The following ACTR3 variants were observed in gnomAD, a reference collection of about 807,000 sequenced individuals.
ACTR3 encodes the protein actin-related protein 3.
In ACTR3, 12 loss-of-function variants were observed where a neutral mutation model predicts 56.8. The ratio of observed to expected loss-of-function variants is 0.21; its 90% CI spans 0.14 to 0.34. The LOEUF (loss-of-function observed/expected upper bound fraction) is 0.34. Ranked by LOEUF, ACTR3 falls within the 10% of genes least tolerant of loss-of-function variation. ACTR3 has a pLI of 1.00. For synonymous variants in ACTR3, 162 were observed against 167.4 expected (o/e 0.97, Z 0.25); for missense variants, 282 against 512.5 (o/e 0.55, Z 4.34).
chr2:113,951,439 A>T, intron 8 of ACTR3, 40 bp from the exon 9 acceptor site: 1 of 1,340,110 alleles, frequency 7.5e-7, no homozygotes, highest in Non-Finnish European at 1.1e-6. Flanking sequence ...ATTTGTCAGT[A>T]GTGATATGAT....
intron 8 of ACTR3, among the ~76,000 whole-genome samples, chr2:113,944,612 A>AT (rs1491464590): frequency 4.2e-5 from 6 of 141,346 alleles, no homozygotes; most frequent in Admixed American, 7.0e-5. Context: ...AAAAAAAAAA[A>AT]TTAGCTGGGC....
At chr2:113,950,924 TG>T (rs2104628322) in intron 8 of ACTR3, 1 of 152,806 alleles carries the variant, frequency 6.5e-6, no homozygotes, top group East Asian at 1.9e-4. Flanking sequence ...TCTTACATGA[TG>T]GCAGCAGGCA....
intron 6 of ACTR3, among the ~76,000 whole-genome samples, chr2:113,934,922 A>G (rs1679796096): frequency 1.3e-5 from 2 of 152,216 alleles, no homozygotes; most frequent in East Asian, 1.9e-4. Flanking sequence ...ATTCAAAATG[A>G]CTACTAGAAT....
intron 3 of ACTR3, 143 bp downstream of exon 3, chr2:113,917,151 C>A: frequency 1.5e-6 from 1 of 645,850 alleles, no homozygotes; most frequent in Non-Finnish European, 2.3e-6. Flanking sequence ...CCTATGGCAT[C>A]CTTCCCTGTT....
At chr2:113,925,198 T>G (rs1298536616) in intron 3 of ACTR3, among the ~76,000 whole-genome samples, 2 of 141,256 alleles carry the variant, frequency 1.4e-5, no homozygotes, top group South Asian at 2.3e-4. Context: ...TGCCACCTTT[T>G]TTTTTTTTTT....
chr2:113,895,523 G>C (rs189725697), intron 1 of ACTR3, among the ~76,000 whole-genome samples: 1 of 152,266 alleles, frequency 6.6e-6, no homozygotes, highest in South Asian at 2.1e-4. Context: ...GAATCTCAAG[G>C]GTTGGACTAT....
intron 6 of ACTR3, 117 bp from the exon 7 acceptor site, chr2:113,939,842 A>T (rs1312044884): frequency 2.1e-5 from 18 of 845,104 alleles, no homozygotes; most frequent in Non-Finnish European, 3.2e-5. Flanking sequence ...ATAAAGCAGT[A>T]CTTGAGACTA....
chr2:113,938,675 T>C (rs917626294), intron 6 of ACTR3, among the ~76,000 whole-genome samples: 16 of 152,102 alleles, frequency 1.1e-4, no homozygotes, highest in Non-Finnish European at 2.2e-4. Flanking sequence ...CTGTCTACTT[T>C]TTTCTAGAGG....
At chr2:113,921,461 CATTTTA>C (rs1679508597) in intron 3 of ACTR3, among the ~76,000 whole-genome samples, 1 of 152,018 alleles carries the variant, frequency 6.6e-6, no homozygotes. Context: ...CTCACAGAAG[CATTTTA>C]ATTTAATATA....
chr2:113,917,073 C>G (rs1679419608), intron 3 of ACTR3, 65 bp downstream of exon 3: 2 of 1,398,848 alleles, frequency 1.4e-6, no homozygotes, highest in African/African-American at 1.5e-5. Context: ...CTTGTGCCCT[C>G]TGGAATTCAC....
intron 1 of ACTR3, among the ~76,000 whole-genome samples, chr2:113,891,984 A>G (rs906870837): frequency 6.6e-6 from 1 of 152,188 alleles, no homozygotes; most frequent in African/African-American, 2.4e-5. Flanking sequence ...GTAGGATAGG[A>G]CTTTTCAAAT....
chr2:113,938,027 T>G (rs1352549151), intron 6 of ACTR3, among the ~76,000 whole-genome samples: 1 of 152,112 alleles, frequency 6.6e-6, no homozygotes, highest in Non-Finnish European at 1.5e-5. Flanking sequence ...TACATTTATT[T>G]TTTTATAATC....
At chr2:113,890,384 A>C in intron 1 of ACTR3, 61 bp downstream of exon 1, 13 of 779,502 alleles carry the variant, frequency 1.7e-5, no homozygotes, top group Non-Finnish European at 2.1e-5. Context: ...ATGGCGGGGG[A>C]GGGAGGAGGC....
chr2:113,954,213 G>C (rs1394200326), intron 10 of ACTR3: 1 of 152,060 alleles, frequency 6.6e-6, no homozygotes, highest in East Asian at 1.9e-4. Context: ...GTGTCTGCCA[G>C]GTTTTTTCAC....
At chr2:113,928,026 AT>A (rs35715683) in intron 4 of ACTR3, among the ~76,000 whole-genome samples, 7,640 of 150,372 alleles carry the variant, frequency 0.051, 580 homozygotes, top group African/African-American at 0.17. Context: ...TTTATTTAAC[AT>A]TTTTTTTTTA....
At chr2:113,898,299 A>G (rs1269732066) in intron 1 of ACTR3, among the ~76,000 whole-genome samples, 1 of 152,118 alleles carries the variant, frequency 6.6e-6, no homozygotes, top group Admixed American at 6.6e-5. Context: ...AATGACTCAC[A>G]CAGAATTATA....
rs762944971 is a variant in ACTR3, at chr2:113,942,275, A to G, written c.774A>G (p.Gly258=). The G allele has an allele frequency of 1.2e-4, 192 of 1,605,584 alleles. 6 individuals are homozygous for G. The South Asian group carries it at 2.1e-3, about 17-fold the overall frequency. The change falls in exon 8 of 12, where the codon GGA becomes GGG. Residue 258 remains glycine, a synonymous_variant. Transcript: ENST00000263238. The part of the protein sequence containing the change: ...DGSKWIKQYT[G]INAISKKEFS... ...CAAAATGGATTAAACAGTATACTGG[A>G]ATCAATGCTATCTCAAAGAAAGAGT...
chr2:113,928,449 C>A (rs866106535), intron 4 of ACTR3, among the ~76,000 whole-genome samples: 1 of 152,148 alleles, frequency 6.6e-6, no homozygotes, highest in African/African-American at 2.4e-5. Flanking sequence ...TATGGTTATT[C>A]TTTTCATATA....
intron 10 of ACTR3, chr2:113,952,581 A>T (rs1680140176): frequency 6.6e-6 from 1 of 152,154 alleles, no homozygotes; most frequent in Non-Finnish European, 1.5e-5. Context: ...ATCATTCAGA[A>T]TTACTTAAAA....
Sources: allele counts gnomAD v4.1 joint callset (sites outside exome capture counted in the v4.1 genomes callset), GRCh38; gene constraint gnomAD v4.1.1; transcripts MANE v1.5; gene names NCBI Gene and HGNC (gene_info 2026-07-23, HGNC 2026-07-21).